Variants in GMIP observed in about 807,000 individuals in gnomAD.
The protein encoded by GMIP is GEM interacting protein.
A neutral mutation model predicts 105.3 loss-of-function variants in GMIP; 54 were observed. The ratio of observed to expected loss-of-function variants is 0.51; its 90% CI spans 0.41 to 0.64. The LOEUF is 0.64. Among genes scored for constraint, GMIP ranks in the 30% least tolerant of loss-of-function variants. The pLI is 0.00. For missense variants in GMIP, 1,110 were observed against 1,319.4 expected, an observed-to-expected ratio of 0.84 and a Z score of 2.46; for synonymous variants, 541 against 560.8, an observed-to-expected ratio of 0.96 and a Z score of 0.50.
chr19:19,636,849 G>T, intron 12 of GMIP, 53 bp from the exon 13 acceptor site: 1 of 1,561,414 alleles, frequency 6.4e-7, no homozygotes, highest in Non-Finnish European at 8.8e-7. Flanking sequence ...CCCCACTCCT[G>T]CAGCCCACCT....
chr19:19,643,443 T>C, intron 1 of GMIP, 68 bp downstream of exon 1: 1 of 1,370,164 alleles, frequency 7.3e-7, no homozygotes, highest in Admixed American at 2.0e-5. Context: ...GCGGGACAAG[T>C]GTGTGCCCTC....
rs775614538 is a variant in GMIP, at chr19:19,641,841, G to T, written c.207C>A (p.Gly69=). Residue 69 remains glycine (G), a synonymous_variant, in exon 4 of 21, where the codon GGC becomes GGA. Coordinates refer to ENST00000203556, the MANE Select transcript of GMIP (RefSeq NM_016573.4). Reference sequence around the variant, plus strand: ...GGGGTACAGGACCCTCTGGGGAGGGGCCGCTCCAACAGCTGGCTTCGTTGG... The same window carrying T: ...GGGGTACAGGACCCTCTGGGGAGGGTCCGCTCCAACAGCTGGCTTCGTTGG... ...TVTNEASCWS[G]PSPEGPVPLT... 3 of 1,612,604 alleles carry T rather than the reference G, an allele frequency of 1.9e-6. No homozygotes were observed. The highest frequency in any genetic ancestry group is 1.1e-5 in the South Asian group (1 of 90,948).
rs766104280 is a variant in GMIP at position 19,638,028 on chromosome 19, G to A, written c.819C>T (p.Ala273=). 1.9e-6 allele frequency: 3 copies of A among 1,599,588 alleles called. No individual in the cohort carries two copies. Among genetic ancestry groups the A allele is most frequent in the Non-Finnish European group, 2.6e-6 (3 of 1,173,780 alleles). Residue 273 remains alanine (A), a synonymous_variant, in exon 10 of 21, where the codon GCC becomes GCT. Coordinates refer to ENST00000203556, the MANE Select transcript of GMIP (RefSeq NM_016573.4). ...GCCGCGCGTTGGCCTCGCGGACACA[G>A]GCCTGGTACAGCGCCTCGGCCTCCT... ...KAQEAEALYQ[A]CVREANARQQ...
chr19:19,636,656 T>C (rs1290673160), intron 13 of GMIP, 51 bp downstream of exon 13: 1 of 1,342,960 alleles, frequency 7.4e-7, no homozygotes, highest in Admixed American at 1.7e-5. Flanking sequence ...GGCCAGGGGC[T>C]GGAGGATGGT....
chr19:19,630,665 G>T lies in GMIP; in HGVS notation c.2473-128C>A. ...CCAGTGCAAAGGCCCTGAGGTAGGA[G>T]CATGCCTGGTATGTTAGGACGCAGC... On this transcript the variant is annotated intron_variant, in intron 19 of 20. Transcript: ENST00000203556. This position sits in a 1 kb window ranked among gnomAD's most constrained non-coding sequence, Gnocchi z 4.8. 1 of 768,450 alleles carries T rather than the reference G, an allele frequency of 1.3e-6. No homozygotes were observed. Among genetic ancestry groups the T allele is most frequent in the African/African-American group, 1.7e-5 (1 of 57,942 alleles). 47.6% of individuals were successfully genotyped at this position (768,450 alleles called of 1,614,324 possible).
In GMIP at chr19:19,637,418, C is replaced by A; in HGVS notation, c.1071G>T (p.Pro357=). Residue 357 remains proline, a synonymous_variant, in exon 11 of 21, where the codon CCG becomes CCT. Coordinates refer to ENST00000203556, the MANE Select transcript of GMIP (RefSeq NM_016573.4). This position sits in a 1 kb window ranked among gnomAD's most constrained non-coding sequence, Gnocchi z 6.7. ...AGGAGAAGGCGGGCGGCGGGGGCGG[C>A]GGGGCCTCGGGCCGCAGCGCCCGTA... ...EFVRALRPEA[P]PPPPPAFSFQ... is the part of the protein sequence containing the mutation. 6 of 1,485,824 alleles carry A rather than the reference C, an allele frequency of 4.0e-6. No individual in the cohort carries two copies. In the South Asian group the frequency reaches 8.2e-5, roughly 20 times the overall value. The allele number at this position is 1,485,824 out of a possible 1,614,324, so 92.0% of individuals were successfully genotyped here. A position where few individuals can be genotyped will look rare whatever the true frequency, so the allele number is the denominator to read the frequency against.
intron 7 of GMIP, among the ~76,000 whole-genome samples, chr19:19,639,696 A>C (rs1016144511): frequency 6.6e-6 from 1 of 151,810 alleles, no homozygotes; most frequent in African/African-American, 2.4e-5. Context: ...TAAAAATACA[A>C]AAATTAGCCG....
At chr19:19,639,961 C>A (rs1433490042) in intron 7 of GMIP, 124 bp downstream of exon 7, 1 of 621,926 alleles carries the variant, frequency 1.6e-6, no homozygotes, top group Non-Finnish European at 2.9e-6. Flanking sequence ...GCTTCCTCAT[C>A]AATGAAATGG....
chr19:19,637,670 C>T lies in GMIP; in HGVS notation c.928-109G>A. The T allele has an allele frequency of 1.0e-6, 1 of 959,870 alleles. No individual in the cohort carries two copies. Among genetic ancestry groups the T allele is most frequent in the East Asian group, 2.9e-5 (1 of 34,796 alleles). 59.5% of individuals were successfully genotyped at this position (959,870 alleles called of 1,614,324 possible). A position where few individuals can be genotyped will look rare whatever the true frequency, so the allele number is the denominator to read the frequency against. On this transcript the variant is annotated intron_variant, in intron 10 of 20. Transcript: ENST00000203556. This position sits in a 1 kb window ranked among gnomAD's most constrained non-coding sequence, Gnocchi z 6.7. ...ACGCGAACGTGGTCAGGGTTTGGGA[C>T]GCACCTGGGCGGCTTAGGAACTAGG...
At chr19:19,631,610 C>G (rs1374097213) in intron 19 of GMIP, among the ~76,000 whole-genome samples, 1 of 152,236 alleles carries the variant, frequency 6.6e-6, no homozygotes, top group East Asian at 1.9e-4. Context: ...ATGGACTGTT[C>G]TAGCAATCCG....
At position 19,635,736 on chromosome 19, in the gene GMIP, AT is replaced by A; in HGVS notation, c.1328-16del. The A allele has an allele frequency of 1.9e-6, 3 of 1,610,474 alleles. No individual in the cohort carries two copies. The highest frequency in any genetic ancestry group is 2.5e-6 in the Non-Finnish European group (3 of 1,176,764). ...CGTGCCAGCGCCTGGGGTCAGAGGAATCATGGGAGATTCCTGGGCTATGGGA... is the reference window on the plus strand; with the variant it reads ...CGTGCCAGCGCCTGGGGTCAGAGGAACATGGGAGATTCCTGGGCTATGGGA... On this transcript the variant is annotated splice_polypyrimidine_tract_variant and intron_variant, in intron 13 of 20. Coordinates refer to ENST00000203556, the MANE Select transcript of GMIP (RefSeq NM_016573.4). This position sits in a 1 kb window ranked among gnomAD's most constrained non-coding sequence, Gnocchi z 4.7.
At chr19:19,643,469 G>A (rs1304581352) in intron 1 of GMIP, 42 bp downstream of exon 1, 1 of 1,517,548 alleles carries the variant, frequency 6.6e-7, no homozygotes, top group East Asian at 2.5e-5. Flanking sequence ...AGGAAGCAGG[G>A]GATGGTCGGG....
intron 1 of GMIP, chr19:19,643,178 C>T (rs371673166): frequency 3.0e-6 from 1 of 336,270 alleles, no homozygotes; most frequent in Non-Finnish European, 5.5e-6. Context: ...TACAGAGGGG[C>T]CCTGTGGGGA....
Position 19,636,996 on chromosome 19 carries a change from C to T in GMIP, c.1158G>A (p.Gly386=), listed in dbSNP as rs760390346. ...SPLDIRKKLS[G]PLPPRLDENS... ...TCTCATCCAGCCTTGGAGGAAGAGGCCCAGAGAGCTTCTTTCTGATGTCCA... is the reference window on the plus strand; with the variant it reads ...TCTCATCCAGCCTTGGAGGAAGAGGTCCAGAGAGCTTCTTTCTGATGTCCA... Residue 386 remains glycine (G), a synonymous_variant, in exon 12 of 21, where the codon GGG becomes GGA. Transcript: ENST00000203556. The T allele has an allele frequency of 1.0e-5, 16 of 1,577,894 alleles. No individual in the cohort carries two copies. The highest frequency in any genetic ancestry group is 1.3e-5 in the Non-Finnish European group (15 of 1,160,768).
In GMIP at chr19:19,634,707, G is replaced by A. The variant is rs1258313938; in HGVS notation, c.1888-4C>T. On this transcript the variant is annotated splice_polypyrimidine_tract_variant and splice_region_variant and intron_variant, in intron 17 of 20. Coordinates refer to ENST00000203556, the MANE Select transcript of GMIP (RefSeq NM_016573.4). This position sits in a 1 kb window ranked among gnomAD's most constrained non-coding sequence, Gnocchi z 6.1. ...AGGGGATCACGGGCTCGGTGAGCTG[G>A]GGGTGGAACGGAGGGCGCAACACGA... 3.1e-6 allele frequency: 5 copies of A among 1,608,290 alleles called. No individual in the cohort carries two copies. The highest frequency in any genetic ancestry group is 4.3e-6 in the Non-Finnish European group (5 of 1,175,832).
At position 19,634,849 on chromosome 19, in the gene GMIP, C is replaced by T. The variant is rs1435666769; in HGVS notation, c.1830G>A (p.Glu610=). ...CGTCATGAGGCGAGTTCCCCGACAG[C>T]TCCACCAACGCTCGGCCATTCTCGA... ...QAFENGRALV[E]LSGNSPHDVS... The change falls in exon 17 of 21, where the codon GAG becomes GAA. Residue 610 remains glutamate (E), a synonymous_variant. Transcript: ENST00000203556. This position sits in a 1 kb window ranked among gnomAD's most constrained non-coding sequence, Gnocchi z 6.1. The T allele has an allele frequency of 6.2e-7, 1 of 1,613,986 alleles. No homozygotes were observed. Among genetic ancestry groups the T allele is most frequent in the Non-Finnish European group, 8.5e-7 (1 of 1,180,030 alleles).
intron 7 of GMIP, among the ~76,000 whole-genome samples, 171 bp from the exon 8 acceptor site, chr19:19,638,653 A>G (rs1162173546): frequency 6.6e-6 from 1 of 151,748 alleles, no homozygotes; most frequent in East Asian, 1.9e-4. Flanking sequence ...CAAGTGGGCA[A>G]TCATGGCTCA....
Position 19,630,253 on chromosome 19 carries a change from C to G in GMIP, c.2623G>C (p.Gly875Arg), listed in dbSNP as rs1471913753. ...FSRQPVKYPR[G>R]GVRPVTHQLS... is the part of the protein sequence containing the mutation. ...TGGTGGGTTACAGGCCTCACACCGC[C>G]CCGGGGATACTTCACTGGCTGGCGG... The change falls in exon 21 of 21, where the codon GGC (glycine) becomes CGC (arginine). Residue 875 changes from glycine (G) to arginine (R), a missense_variant. Coordinates refer to ENST00000203556, the MANE Select transcript of GMIP (RefSeq NM_016573.4). This position sits in a 1 kb window ranked among gnomAD's most constrained non-coding sequence, Gnocchi z 4.8. The G allele has an allele frequency of 1.3e-6, 2 of 1,567,044 alleles. No homozygotes were observed. Among genetic ancestry groups the G allele is most frequent in the African/African-American group, 2.7e-5 (2 of 73,660 alleles).
chr19:19,635,624 C>A lies in GMIP; in HGVS notation c.1405+20G>T, dbSNP rs775881211. ...GTGCCCTGCCCTGTCCCATCCTGAC[C>A]TACCCTGCTTCAGCCTCACCAGGGT... On this transcript the variant is annotated intron_variant, in intron 14 of 20. Coordinates refer to ENST00000203556, the MANE Select transcript of GMIP (RefSeq NM_016573.4). This position sits in a 1 kb window ranked among gnomAD's most constrained non-coding sequence, Gnocchi z 4.7. The A allele has an allele frequency of 1.7e-5, 27 of 1,613,804 alleles. No individual in the cohort carries two copies. The South Asian group carries it at 1.8e-4, about 10-fold the overall frequency.
Sources: gnomAD v4.1 joint callset for allele counts (sites outside exome capture counted in the v4.1 genomes callset) on GRCh38, gnomAD v4.1.1 for gene constraint, Gnocchi (gnomAD v3.1) non-coding constraint, MANE v1.5 for transcripts, NCBI Gene and HGNC (gene_info 2026-07-23, HGNC 2026-07-21) for gene names.